The following EBF3 variants were observed in gnomAD, a reference collection of about 807,000 sequenced individuals.
EBF3 encodes the protein transcription factor COE3.
A neutral mutation model predicts 77.1 loss-of-function variants in EBF3; 18 were observed. The ratio of observed to expected loss-of-function variants is 0.23; its 90% CI spans 0.16 to 0.35. The LOEUF is 0.35. Ranked by LOEUF, EBF3 falls within the 10% of genes least tolerant of loss-of-function variation. EBF3 has a pLI of 1.00. For missense variants in EBF3, 558 were observed against 860.0 expected (o/e 0.65, Z 4.39); for synonymous variants, 350 against 343.5 (o/e 1.02, Z -0.21).
intron 6 of EBF3, among the ~76,000 whole-genome samples, chr10:129,910,683 GAGCCCC>G (rs944421668): frequency 2.0e-5 from 3 of 151,748 alleles, no homozygotes; most frequent in African/African-American, 7.3e-5. Context: ...ACCTCCCCCA[GAGCCCC>G]AGGTATAGGA....
chr10:129,873,203 G>T (rs1852524329), intron 8 of EBF3, among the ~76,000 whole-genome samples: 1 of 152,212 alleles, frequency 6.6e-6, no homozygotes, highest in South Asian at 2.1e-4. Flanking sequence ...GTAAGCAAAA[G>T]AACGCCTGGA....
chr10:129,908,651 C>T lies in EBF3; in HGVS notation c.555-30802G>A, dbSNP rs535335853. Among the ~76,000 whole-genome samples, 13 of 152,336 alleles carry T rather than the reference C, an allele frequency of 8.5e-5. No individual in the cohort carries two copies. The East Asian group carries it at 1.7e-3, about 20-fold the overall frequency. ...CCGCTGGCCCAGCTAATTGATAAGCCGCGTTGCAGTTCGTTAGTGGCGTTG... is the reference window on the plus strand; with the variant it reads ...CCGCTGGCCCAGCTAATTGATAAGCTGCGTTGCAGTTCGTTAGTGGCGTTG... On this transcript the variant is annotated intron_variant, in intron 6 of 16. Transcript: ENST00000440978.
intron 6 of EBF3, among the ~76,000 whole-genome samples, chr10:129,899,964 C>G (rs1415615055): frequency 6.6e-6 from 1 of 152,224 alleles, no homozygotes; most frequent in African/African-American, 2.4e-5. Flanking sequence ...GTTCCCTGCT[C>G]TTGTCGTTGC....
At chr10:129,847,723 A>C (rs1850572543) in intron 11 of EBF3, among the ~76,000 whole-genome samples, 2 of 152,350 alleles carry the variant, frequency 1.3e-5, no homozygotes, top group South Asian at 2.1e-4. Flanking sequence ...AAAGAGACAA[A>C]ATTATATCAA....
intron 10 of EBF3, among the ~76,000 whole-genome samples, chr10:129,866,707 C>A (rs953203803): frequency 2.0e-5 from 3 of 152,204 alleles, no homozygotes; most frequent in Non-Finnish European, 4.4e-5. Flanking sequence ...GACTTCATCA[C>A]CTCTCTGAGC....
intron 10 of EBF3, among the ~76,000 whole-genome samples, chr10:129,858,304 T>C (rs1441723666): frequency 6.6e-6 from 1 of 152,188 alleles, no homozygotes; most frequent in Admixed American, 6.5e-5. Context: ...CTATGGCCTG[T>C]TTACAGTCTT....
intron 10 of EBF3, among the ~76,000 whole-genome samples, chr10:129,860,421 A>T (rs1014554713): frequency 6.6e-6 from 1 of 152,196 alleles, no homozygotes; most frequent in African/African-American, 2.4e-5. Flanking sequence ...GGGGAAGATG[A>T]ATGGCCGTCC....
rs1162397157 is a variant in EBF3, at chr10:129,879,644, T to A, written c.555-1795A>T. 2.0e-5 allele frequency among the ~76,000 whole-genome samples: 3 copies of A among 152,172 alleles called. No individual in the cohort carries two copies. Among genetic ancestry groups the A allele is most frequent in the Non-Finnish European group, 4.4e-5 (3 of 68,026 alleles). On this transcript the variant is annotated intron_variant, in intron 6 of 16. Transcript: ENST00000440978. The surrounding 1 kb of genome is among the most constrained non-coding windows in gnomAD (Gnocchi z 4.7). ...TTATTAACTCACCTCACCTATACAC[T>A]TAGCTCACAATGCCTCTTCACACCA... is the stretch of plus-strand genomic sequence containing the variant.
chr10:129,841,752 G>T lies in EBF3; in HGVS notation c.1372+364C>A, dbSNP rs1271597124. 6.6e-6 allele frequency among the ~76,000 whole-genome samples: 1 copy of T among 152,238 alleles called. No homozygotes were observed. Among genetic ancestry groups the T allele is most frequent in the East Asian group, 1.9e-4 (1 of 5,166 alleles). On this transcript the variant is annotated intron_variant, in intron 13 of 16. Transcript: ENST00000440978. The surrounding 1 kb of genome is among the most constrained non-coding windows in gnomAD (Gnocchi z 4.6). ...AGACCCAAATCCCGCCGTGCAGTGC[G>T]TCCAAGCAGGCTCCCCTCAGCTCCC...
intron 6 of EBF3, among the ~76,000 whole-genome samples, chr10:129,929,499 C>A (rs1336527792): frequency 6.6e-6 from 1 of 152,226 alleles, no homozygotes; most frequent in Non-Finnish European, 1.5e-5. Flanking sequence ...AGCCACCATG[C>A]CCGGCCAGGA....
chr10:129,893,801 C>A (rs769250611), intron 6 of EBF3, among the ~76,000 whole-genome samples: 1 of 152,244 alleles, frequency 6.6e-6, no homozygotes, highest in Non-Finnish European at 1.5e-5. Context: ...ATTGATCAGT[C>A]TGACTCGGAA....
chr10:129,867,637 G>A (rs992690683), intron 9 of EBF3, 145 bp downstream of exon 9: 9 of 1,396,394 alleles, frequency 6.4e-6, no homozygotes, highest in African/African-American at 1.4e-5. Flanking sequence ...ACCCACGGGA[G>A]AAGCTGCTGC....
At chr10:129,962,633 C>T (rs1859616961) in intron 3 of EBF3, among the ~76,000 whole-genome samples, 10 of 151,918 alleles carry the variant, frequency 6.6e-5, no homozygotes, top group Admixed American at 6.6e-4. Context: ...AGTTATGCTC[C>T]GTTTATGGAG....
Position 129,940,960 on chromosome 10 carries a change from G to A in EBF3, c.554+16298C>T, listed in dbSNP as rs554730912. On this transcript the variant is annotated intron_variant, in intron 6 of 16. Coordinates refer to ENST00000440978, the MANE Select transcript of EBF3 (RefSeq NM_001375380.1). ...TCCCCCAGCCTCGGACTGCCTGGCC[G>A]TGGAGCAGTCCCATGTCTACAATGG... Among the ~76,000 whole-genome samples, 110 of 152,294 alleles carry A rather than the reference G, an allele frequency of 7.2e-4. 1 individual carries two copies. The highest frequency in any genetic ancestry group is 7.0e-3 in the Admixed American group (107 of 15,306).
rs192952030 is a variant in EBF3, at chr10:129,837,207, T to C, written c.*736A>G. 6.5e-6 allele frequency: 1 copy of C among 152,842 alleles called. No homozygotes were observed. Among genetic ancestry groups the C allele is most frequent in the Admixed American group, 6.5e-5 (1 of 15,306 alleles). 9.5% of individuals were successfully genotyped at this position (152,842 alleles called of 1,614,324 possible). A position where few individuals can be genotyped will look rare whatever the true frequency, so the allele number is the denominator to read the frequency against. On this transcript the variant is annotated 3_prime_UTR_variant, in exon 17 of 17. Transcript: ENST00000440978. ...ATCACACTTGCTTAACAGGAAGCTC[T>C]AGCAGTGGGAGAATATTGGAACCAA...
In EBF3 at chr10:129,837,647, A is replaced by G. The variant is rs1590018893; in HGVS notation, c.*296T>C. ...AGACGGAGTCGGAAACTTTATACAA[A>G]ATAGGCGTCGCTTTGTTTTCCTTAT... On this transcript the variant is annotated 3_prime_UTR_variant, in exon 17 of 17. Coordinates refer to ENST00000440978, the MANE Select transcript of EBF3 (RefSeq NM_001375380.1). 7.4e-6 allele frequency: 3 copies of G among 407,174 alleles called. No homozygotes were observed. The East Asian group carries it at 1.3e-4, about 18-fold the overall frequency. The allele number at this position is 407,174 out of a possible 1,614,324, so 25.2% of individuals were successfully genotyped here. A position where few individuals can be genotyped will look rare whatever the true frequency, so the allele number is the denominator to read the frequency against.
chr10:129,875,855 C>A (rs1852738664), intron 7 of EBF3, among the ~76,000 whole-genome samples: 1 of 152,232 alleles, frequency 6.6e-6, no homozygotes. Flanking sequence ...CCTGGTCACC[C>A]AGGTGCCCCC....
chr10:129,884,238 G>A (rs954598587), intron 6 of EBF3, among the ~76,000 whole-genome samples: 1 of 152,168 alleles, frequency 6.6e-6, no homozygotes, highest in Non-Finnish European at 1.5e-5. Context: ...AGCCGATCGG[G>A]TTCGGGCGCT....
chr10:129,912,095 C>G (rs1159551499), intron 6 of EBF3, among the ~76,000 whole-genome samples: 2 of 152,236 alleles, frequency 1.3e-5, no homozygotes, highest in African/African-American at 4.8e-5. Context: ...ACAGGAGCAA[C>G]TGCCCCACCA....
Sources: allele counts gnomAD v4.1 joint callset (sites outside exome capture counted in the v4.1 genomes callset), GRCh38; gene constraint gnomAD v4.1.1; non-coding constraint Gnocchi (gnomAD v3.1); transcripts MANE v1.5; gene names NCBI Gene and HGNC (gene_info 2026-07-23, HGNC 2026-07-21).